The following ERICH6 variants were observed in gnomAD, a reference collection of about 807,000 sequenced individuals.
ERICH6 encodes glutamate-rich protein 6.
In ERICH6, 71 loss-of-function variants were observed where a neutral mutation model predicts 71.0. The observed-to-expected ratio is 1.00, with a 90% CI of 0.83 to 1.22. ERICH6 has a LOEUF of 1.22. Ranked by LOEUF, ERICH6 falls within the 50% of genes most tolerant of loss-of-function variation. The pLI, the probability that ERICH6 is intolerant of heterozygous loss-of-function variation, is 0.00. For synonymous variants in ERICH6, 262 were observed against 278.4 expected, an observed-to-expected ratio of 0.94 and a Z score of 0.59; for missense variants, 808 against 797.2, an observed-to-expected ratio of 1.01 and a Z score of -0.16.
intron 2 of ERICH6, among the ~76,000 whole-genome samples, chr3:150,701,871 C>T (rs1026534859): frequency 1.3e-5 from 2 of 152,162 alleles, no homozygotes; most frequent in Non-Finnish European, 2.9e-5. Flanking sequence ...GCACACATGG[C>T]ATATATAGTT....
At chr3:150,680,316 C>A in intron 9 of ERICH6, 152 bp downstream of exon 9, 1 of 716,568 alleles carries the variant, frequency 1.4e-6, no homozygotes, top group South Asian at 1.9e-5. Context: ...GATTCTCCCA[C>A]CTTGGCTTCC....
chr3:150,700,620 A>G (rs1461878622), intron 2 of ERICH6, among the ~76,000 whole-genome samples: 2 of 151,724 alleles, frequency 1.3e-5, no homozygotes, highest in African/African-American at 2.4e-5. Context: ...GTCTCACTCT[A>G]TTGCCCAAGC....
chr3:150,682,170 T>C (rs1374205438), intron 7 of ERICH6, 48 bp downstream of exon 7: 1 of 1,448,242 alleles, frequency 6.9e-7, no homozygotes, highest in Middle Eastern at 1.8e-4. Context: ...ATACTACATA[T>C]GTTTAAAGAT....
chr3:150,675,436 C>A (rs920045045), intron 10 of ERICH6, among the ~76,000 whole-genome samples: 2 of 152,132 alleles, frequency 1.3e-5, no homozygotes, highest in African/African-American at 2.4e-5. Context: ...GCAACTTCCA[C>A]CCCCTGGGTT....
Position 150,678,442 on chromosome 3 carries a change from G to A in ERICH6, c.1224C>T (p.Ile408=), listed in dbSNP as rs776165623. ...DFQLRNSNMS[I]ICCDSRIACG... ...ATGCTATCCGAGAATCACAACAAAT[G>A]ATAGACATGTTACTGTTTCTTAGTT... Residue 408 remains isoleucine, a synonymous_variant, in exon 10 of 14, where the codon ATC becomes ATT. Coordinates refer to ENST00000295910, the MANE Select transcript of ERICH6 (RefSeq NM_152394.5). The A allele has an allele frequency of 1.9e-6, 3 of 1,593,980 alleles. No homozygotes were observed. In the Admixed American group the frequency reaches 5.6e-5, roughly 30 times the overall value.
intron 3 of ERICH6, among the ~76,000 whole-genome samples, chr3:150,693,839 G>T (rs894531612): frequency 6.6e-6 from 1 of 151,848 alleles, no homozygotes; most frequent in Non-Finnish European, 1.5e-5. Context: ...AATTTTTCTT[G>T]GTTACAAATC....
Position 150,689,826 on chromosome 3 carries a change from C to T in ERICH6, c.554-3472G>A, listed in dbSNP as rs1712351093. 1.3e-5 allele frequency among the ~76,000 whole-genome samples: 2 copies of T among 152,114 alleles called. 1 individual carries two copies. The highest frequency in any genetic ancestry group is 4.1e-4 in the South Asian group (2 of 4,830). On this transcript the variant is annotated intron_variant, in intron 3 of 13. Coordinates refer to ENST00000295910, the MANE Select transcript of ERICH6 (RefSeq NM_152394.5). ...GAAAACAGAGAAGGTACCAGAGTCC[C>T]TTTGCGGGAGAACGCTGTTTTTCCT...
intron 13 of ERICH6, among the ~76,000 whole-genome samples, chr3:150,663,628 C>T (rs929771316): frequency 2.6e-5 from 4 of 152,104 alleles, no homozygotes; most frequent in Non-Finnish European, 5.9e-5. Context: ...GCATGCGCCA[C>T]CATGTCTGGA....
chr3:150,685,207 C>A (rs530855803), intron 6 of ERICH6, among the ~76,000 whole-genome samples: 39 of 152,220 alleles, frequency 2.6e-4, no homozygotes, highest in African/African-American at 9.2e-4. Flanking sequence ...AGTCCTAACT[C>A]CTGGTACCTG....
chr3:150,666,815 G>T lies in ERICH6; in HGVS notation c.1700C>A (p.Ala567Glu). Residue 567 changes from alanine (A) to glutamate (E), a missense_variant, in exon 13 of 14, where the codon GCA becomes GAA. Around this residue, in one of 3 missense-constraint regions of ERICH6, gnomAD observed 736 missense variants for 712.2 expected, o/e 1.03. Coordinates refer to ENST00000295910, the MANE Select transcript of ERICH6 (RefSeq NM_152394.5). ...SITFLAMGQQARISVGTKVKL... is the reference protein window; with the variant it reads ...SITFLAMGQQERISVGTKVKL... ...CACTTTGGTTCCAACACTGATTCTTGCCTGTTGGCCCATTGCTAGAAAAGT... is the reference window on the plus strand; with the variant it reads ...CACTTTGGTTCCAACACTGATTCTTTCCTGTTGGCCCATTGCTAGAAAAGT... 2 of 1,614,064 alleles carry T rather than the reference G, an allele frequency of 1.2e-6. No homozygotes were observed. Among genetic ancestry groups the T allele is most frequent in the Middle Eastern group, 1.7e-4 (1 of 6,058 alleles).
At chr3:150,692,164 C>T (rs1712465582) in intron 3 of ERICH6, among the ~76,000 whole-genome samples, 1 of 151,962 alleles carries the variant, frequency 6.6e-6, no homozygotes, top group Non-Finnish European at 1.5e-5. Context: ...TTATAAAAAG[C>T]TTATGGAAGT....
chr3:150,673,875 C>G, intron 11 of ERICH6, 81 bp downstream of exon 11: 1 of 1,383,218 alleles, frequency 7.2e-7, no homozygotes, highest in Non-Finnish European at 1.0e-6. Flanking sequence ...GCCACTGCAC[C>G]CAACCATGTA....
intron 3 of ERICH6, among the ~76,000 whole-genome samples, chr3:150,698,267 T>C (rs962983316): frequency 6.6e-6 from 1 of 152,246 alleles, no homozygotes; most frequent in African/African-American, 2.4e-5. Context: ...TACCCTATTA[T>C]AGGCTAGACC....
At chr3:150,666,554 A>G (rs1727421751) in intron 13 of ERICH6, among the ~76,000 whole-genome samples, 1 of 152,222 alleles carries the variant, frequency 6.6e-6, no homozygotes, top group Non-Finnish European at 1.5e-5. Context: ...CAAACACTCA[A>G]TAAGTGTTAC....
intron 13 of ERICH6, among the ~76,000 whole-genome samples, chr3:150,665,306 ATACT>A (rs1401632013): frequency 6.6e-6 from 1 of 152,142 alleles, no homozygotes; most frequent in Non-Finnish European, 1.5e-5. Context: ...CTATTTCCAC[ATACT>A]TAAAAGTTGA....
intron 3 of ERICH6, among the ~76,000 whole-genome samples, chr3:150,695,417 C>T (rs543273204): frequency 2.6e-4 from 39 of 151,958 alleles, no homozygotes; most frequent in South Asian, 1.7e-3. Context: ...TTTGGGAGGC[C>T]GAGGCGGGCA....
At chr3:150,664,568 AC>A (rs1727338542) in intron 13 of ERICH6, among the ~76,000 whole-genome samples, 1 of 151,264 alleles carries the variant, frequency 6.6e-6, no homozygotes, top group South Asian at 2.1e-4. Flanking sequence ...AATCGCTTGA[AC>A]CCGGGAGGTG....
In ERICH6 at chr3:150,670,376, G is replaced by A. The variant is rs146896829; in HGVS notation, c.1344-925C>T. 1.1e-3 allele frequency among the ~76,000 whole-genome samples: 173 copies of A among 151,964 alleles called. 1 individual carries two copies. Among genetic ancestry groups the A allele is most frequent in the African/African-American group, 4.1e-3 (168 of 41,426 alleles). ...GTGCACCTGTAGTCCCAGCTACTCA[G>A]GAGGCTGAGGCAGGAGAATTGCTTG... On this transcript the variant is annotated intron_variant, in intron 11 of 13. Coordinates refer to ENST00000295910, the MANE Select transcript of ERICH6 (RefSeq NM_152394.5).
rs201904298 is a variant in ERICH6, at chr3:150,698,746, T to C, written c.553+45A>G. 39 of 1,493,530 alleles carry C rather than the reference T, an allele frequency of 2.6e-5. No homozygotes were observed. In the African/African-American group the frequency reaches 4.0e-4, roughly 15 times the overall value. 92.5% of individuals were successfully genotyped at this position (1,493,530 alleles called of 1,614,324 possible). On this transcript the variant is annotated intron_variant, in intron 3 of 13. Coordinates refer to ENST00000295910, the MANE Select transcript of ERICH6 (RefSeq NM_152394.5). ...TTCTACACCTGTGATATTTCCAACA[T>C]GCAATCCCTCCTCCCAGGAAAAGCT...
Sources: gnomAD v4.1 joint callset for allele counts (sites outside exome capture counted in the v4.1 genomes callset) on GRCh38, gnomAD v4.1.1 for gene constraint, gnomAD v4.1.1 regional missense constraint, MANE v1.5 for transcripts, NCBI Gene and HGNC (gene_info 2026-07-23, HGNC 2026-07-21) for gene names.